Variants in UST observed in about 807,000 individuals in gnomAD.
The protein encoded by UST is chondroitin sulfate 2-O-sulfotransferase.
In UST, 21 loss-of-function variants were observed where a neutral mutation model predicts 45.6. That is an observed-to-expected ratio of 0.46 (90% confidence interval 0.33 to 0.66). UST has a LOEUF of 0.66. UST is among the 30% of genes least tolerant of loss of function. The probability of loss-of-function intolerance (pLI) is 0.02; values close to 1 mark genes in which losing one functional copy is unlikely to be tolerated. For synonymous variants in UST, 215 were observed against 200.6 expected, an observed-to-expected ratio of 1.07 and a Z score of -0.61; for missense variants, 463 against 512.4, an observed-to-expected ratio of 0.90 and a Z score of 0.93.
chr6:149,023,538 G>A (rs901712335), intron 7 of UST, among the ~76,000 whole-genome samples: 4 of 152,144 alleles, frequency 2.6e-5, no homozygotes, highest in Non-Finnish European at 5.9e-5. Context: ...CGAAATAAAT[G>A]TATGTGTTTT....
chr6:148,752,897 T>C (rs1448324218), intron 1 of UST, among the ~76,000 whole-genome samples: 1 of 152,176 alleles, frequency 6.6e-6, no homozygotes, highest in Non-Finnish European at 1.5e-5. Context: ...TTTTGTTTTT[T>C]GGAAAGAAGA....
intron 5 of UST, among the ~76,000 whole-genome samples, chr6:148,994,820 T>C (rs1781419967): frequency 6.6e-6 from 1 of 152,170 alleles, no homozygotes; most frequent in Non-Finnish European, 1.5e-5. Context: ...AGGGCCAAGA[T>C]GAATCCTCAA....
intron 1 of UST, among the ~76,000 whole-genome samples, chr6:148,864,453 G>A (rs1024999472): frequency 7.2e-5 from 11 of 152,236 alleles, no homozygotes; most frequent in Admixed American, 3.9e-4. Context: ...TGCACTTCCC[G>A]GGTGAGGCGA....
intron 1 of UST, among the ~76,000 whole-genome samples, chr6:148,831,354 C>T (rs761951359): frequency 5.3e-5 from 8 of 152,198 alleles, no homozygotes; most frequent in Non-Finnish European, 1.2e-4. Context: ...CATTTCATGA[C>T]TCACAGACAA....
At chr6:149,029,915 G>A (rs1338329540) in intron 7 of UST, among the ~76,000 whole-genome samples, 1 of 148,920 alleles carries the variant, frequency 6.7e-6, no homozygotes, top group Non-Finnish European at 1.5e-5. Flanking sequence ...TGTGTGGTGT[G>A]TGCACCTACC....
At chr6:148,898,475 C>T (rs1779179157) in intron 2 of UST, among the ~76,000 whole-genome samples, 1 of 152,156 alleles carries the variant, frequency 6.6e-6, no homozygotes, top group African/African-American at 2.4e-5. Context: ...ACTTCGCGCT[C>T]ATCACATTTC....
At chr6:148,771,144 T>C (rs943266335) in intron 1 of UST, among the ~76,000 whole-genome samples, 9 of 117,748 alleles carry the variant, frequency 7.6e-5, no homozygotes. Context: ...GGATAGGATA[T>C]AACATATCTT....
At chr6:148,857,595 G>C (rs1582855864) in intron 1 of UST, among the ~76,000 whole-genome samples, 1 of 152,132 alleles carries the variant, frequency 6.6e-6, no homozygotes. Flanking sequence ...ACTCAGAAAA[G>C]CTGAGTGGCT....
At chr6:148,765,705 T>G (rs1369124621) in intron 1 of UST, among the ~76,000 whole-genome samples, 2 of 152,222 alleles carry the variant, frequency 1.3e-5, no homozygotes, top group Non-Finnish European at 2.9e-5. Context: ...CAATTTATGT[T>G]CAGAGATTGT....
intron 2 of UST, among the ~76,000 whole-genome samples, chr6:148,917,347 A>G (rs900181386): frequency 6.6e-6 from 1 of 152,236 alleles, no homozygotes; most frequent in African/African-American, 2.4e-5. Context: ...GGACCTCAAT[A>G]AACATTTAAT....
chr6:148,947,914 A>G (rs1445203196), intron 3 of UST, among the ~76,000 whole-genome samples: 1 of 127,426 alleles, frequency 7.8e-6, no homozygotes, highest in Non-Finnish European at 1.7e-5. Context: ...GCTAATAGAA[A>G]CTTGGTGGAA....
intron 1 of UST, among the ~76,000 whole-genome samples, chr6:148,865,598 A>C (rs1214535749): frequency 6.6e-6 from 1 of 152,070 alleles, no homozygotes; most frequent in Non-Finnish European, 1.5e-5. Flanking sequence ...AGTGAAATGA[A>C]ACATACAGCA....
intron 2 of UST, among the ~76,000 whole-genome samples, chr6:148,920,876 A>G (rs761441825): frequency 3.3e-5 from 5 of 152,104 alleles, no homozygotes; most frequent in Non-Finnish European, 5.9e-5. Context: ...ATGGTGTGTT[A>G]TTTTTAATAA....
At chr6:148,899,131 G>A (rs1192289182) in intron 2 of UST, among the ~76,000 whole-genome samples, 6 of 112,730 alleles carry the variant, frequency 5.3e-5, no homozygotes, top group East Asian at 5.2e-4. Flanking sequence ...ATGGAGTCTC[G>A]CTCTGTCGCC....
chr6:148,932,145 C>T (rs1434417386), intron 2 of UST, among the ~76,000 whole-genome samples: 3 of 152,104 alleles, frequency 2.0e-5, no homozygotes, highest in South Asian at 2.1e-4. Context: ...TTTCAGAAGC[C>T]GAGGCAGGTG....
chr6:148,762,975 G>T (rs1776248954), intron 1 of UST, among the ~76,000 whole-genome samples: 1 of 152,176 alleles, frequency 6.6e-6, no homozygotes, highest in African/African-American at 2.4e-5. Context: ...ACAAGGGCAG[G>T]TGTTTATTTG....
chr6:148,792,279 C>G (rs1389479675), intron 1 of UST, among the ~76,000 whole-genome samples: 1 of 152,156 alleles, frequency 6.6e-6, no homozygotes, highest in African/African-American at 2.4e-5. Context: ...AAAATAGATT[C>G]AAGTTATGTG....
chr6:148,951,624 G>C (rs186702781), intron 3 of UST, among the ~76,000 whole-genome samples: 1 of 152,106 alleles, frequency 6.6e-6, no homozygotes, highest in African/African-American at 2.4e-5. Context: ...TGCTGGCCAT[G>C]GGGGGAGGAC....
chr6:149,048,534 CA>C (rs11333695), intron 7 of UST, among the ~76,000 whole-genome samples: 85,329 of 129,464 alleles, frequency 0.66, 26,457 homozygotes, highest in African/African-American at 0.79. Context: ...AGACTGTCTC[CA>C]AAAAAAAAAA....
Sources: gnomAD v4.1 joint callset for allele counts (sites outside exome capture counted in the v4.1 genomes callset) on GRCh38, gnomAD v4.1.1 for gene constraint, MANE v1.5 for transcripts, NCBI Gene and HGNC (gene_info 2026-07-23, HGNC 2026-07-21) for gene names.